Variants in EXOC6 observed in about 807,000 individuals in gnomAD.
EXOC6 encodes the protein exocyst complex component 6.
Under a neutral mutation model 112.5 loss-of-function variants are expected in EXOC6, and 60 were observed. That is an observed-to-expected ratio of 0.53 (90% CI 0.43 to 0.66). EXOC6 has a LOEUF of 0.66. Ranked by LOEUF, EXOC6 falls within the 30% of genes least tolerant of loss-of-function variation. The pLI, the probability that EXOC6 is intolerant of heterozygous loss-of-function variation, is 0.00. For missense variants in EXOC6, 855 were observed against 957.1 expected (o/e 0.89, Z 1.41); for synonymous variants, 295 against 308.0 (o/e 0.96, Z 0.44).
chr10:92,921,436 TG>T (rs1463952294), intron 8 of EXOC6, among the ~76,000 whole-genome samples: 1 of 151,544 alleles, frequency 6.6e-6, no homozygotes, highest in Non-Finnish European at 1.5e-5. Context: ...TTAGTAGAAA[TG>T]GGGTTTCACC....
At chr10:93,051,065 G>C (rs1354775164) in intron 20 of EXOC6, among the ~76,000 whole-genome samples, 1 of 151,124 alleles carries the variant, frequency 6.6e-6, no homozygotes, top group Non-Finnish European at 1.5e-5. Context: ...TTTAGCCATG[G>C]TAGTGACCAA....
At chr10:92,848,433 G>GCCCCCCC, upstream of EXOC6, 7 of 855,806 alleles carry the variant, frequency 8.2e-6, no homozygotes, top group East Asian at 1.1e-4. Flanking sequence ...CGGCCCGAGC[G>GCCCCCCC]CCCCGCCCCC....
chr10:92,991,502 G>A (rs924885194), intron 18 of EXOC6, among the ~76,000 whole-genome samples: 3 of 150,390 alleles, frequency 2.0e-5, no homozygotes, highest in Admixed American at 6.6e-5. Context: ...CATGGCAGAA[G>A]CAGTGATACT....
At chr10:92,919,904 C>A in intron 7 of EXOC6, 78 bp from the exon 8 acceptor site, 1 of 818,038 alleles carries the variant, frequency 1.2e-6, no homozygotes, top group Non-Finnish European at 1.9e-6. Flanking sequence ...ATCTTCTTGC[C>A]TATCTTTAAC....
At chr10:92,960,257 A>C (rs1246381906) in intron 17 of EXOC6, among the ~76,000 whole-genome samples, 1 of 152,232 alleles carries the variant, frequency 6.6e-6, no homozygotes, top group Non-Finnish European at 1.5e-5. Flanking sequence ...AGCCAGTCTG[A>C]AAAGTCTACA....
intron 1 of EXOC6, among the ~76,000 whole-genome samples, chr10:92,860,008 T>A (rs915322062): frequency 6.6e-6 from 1 of 152,136 alleles, no homozygotes; most frequent in Non-Finnish European, 1.5e-5. Context: ...CTAGAAAATA[T>A]CCAGCCACAT....
chr10:93,017,013 G>A (rs192169824), intron 20 of EXOC6, among the ~76,000 whole-genome samples: 3 of 151,510 alleles, frequency 2.0e-5, no homozygotes, highest in African/African-American at 7.3e-5. Context: ...GTGGGGTTTC[G>A]CCGGGTTGGC....
chr10:92,848,699 G>A, intron 1 of EXOC6, 65 bp downstream of exon 1: 5 of 1,196,770 alleles, frequency 4.2e-6, no homozygotes, highest in Non-Finnish European at 5.3e-6. Context: ...TCACGAGCCG[G>A]GCGGGGCGTC....
At chr10:93,052,728 G>A (rs1244700383) in intron 20 of EXOC6, among the ~76,000 whole-genome samples, 1 of 152,076 alleles carries the variant, frequency 6.6e-6, no homozygotes, top group East Asian at 1.9e-4. Context: ...CTTGACTATT[G>A]GAAGAAACCC....
chr10:92,948,182 T>C, intron 13 of EXOC6, 92 bp from the exon 14 acceptor site: 1 of 736,010 alleles, frequency 1.4e-6, no homozygotes, highest in Non-Finnish European at 2.2e-6. Context: ...AAAACTGCTT[T>C]TGTAATAGTT....
chr10:92,915,745 C>A lies in EXOC6; in HGVS notation c.664-13C>A, dbSNP rs368074997. 2.0e-6 allele frequency: 3 copies of A among 1,494,836 alleles called. No homozygotes were observed. The highest frequency in any genetic ancestry group is 2.8e-5 in the South Asian group (2 of 70,256). 92.6% of individuals were successfully genotyped at this position (1,494,836 alleles called of 1,614,324 possible). A position where few individuals can be genotyped will look rare whatever the true frequency, so the allele number is the denominator to read the frequency against. ...GTTTTGAAATAATCTGAATTTCTCTCTCTTCAAAATAGGCACAGCATCAGA... is the reference window on the plus strand; with the variant it reads ...GTTTTGAAATAATCTGAATTTCTCTATCTTCAAAATAGGCACAGCATCAGA... On this transcript the variant is annotated splice_polypyrimidine_tract_variant and intron_variant, in intron 6 of 21. Coordinates refer to ENST00000260762, the MANE Select transcript of EXOC6 (RefSeq NM_019053.6).
chr10:92,990,831 TC>T, intron 18 of EXOC6, among the ~76,000 whole-genome samples: 1 of 152,028 alleles, frequency 6.6e-6, no homozygotes, highest in Middle Eastern at 3.2e-3. Flanking sequence ...AGTCATTTTT[TC>T]CCCCATCATA....
At chr10:92,921,674 G>T (rs1449759786) in intron 8 of EXOC6, among the ~76,000 whole-genome samples, 2 of 148,502 alleles carry the variant, frequency 1.3e-5, no homozygotes, top group African/African-American at 2.5e-5. Context: ...TTGAGATAGG[G>T]TCTTGCTCTG....
At chr10:92,908,904 G>GT (rs778058247) in intron 5 of EXOC6, among the ~76,000 whole-genome samples, 1 of 151,890 alleles carries the variant, frequency 6.6e-6, no homozygotes, top group Non-Finnish European at 1.5e-5. Context: ...ATTTTTACCT[G>GT]TTTTTTGTGT....
At chr10:92,865,771 T>A (rs1254877647) in intron 1 of EXOC6, among the ~76,000 whole-genome samples, 1 of 152,138 alleles carries the variant, frequency 6.6e-6, no homozygotes. Context: ...GGCCTACTGT[T>A]GACTGGAAGC....
Position 92,934,037 on chromosome 10 carries a change from A to G in EXOC6, c.973-107A>G, listed in dbSNP as rs1852215160. The G allele has an allele frequency of 4.6e-6, 3 of 655,788 alleles. No homozygotes were observed. The Admixed American group carries it at 8.8e-5, about 19-fold the overall frequency. 40.6% of individuals were successfully genotyped at this position (655,788 alleles called of 1,614,324 possible). ...GTACCTAAAAATGTACGTGGCATAT[A>G]GTAGACTCTCAATAAATATTTGTTA... On this transcript the variant is annotated intron_variant, in intron 9 of 21. Coordinates refer to ENST00000260762, the MANE Select transcript of EXOC6 (RefSeq NM_019053.6).
chr10:92,949,543 T>C (rs1462702518), intron 14 of EXOC6, among the ~76,000 whole-genome samples: 11 of 151,792 alleles, frequency 7.2e-5, no homozygotes, highest in East Asian at 1.9e-4. Context: ...CTAGTGTCTA[T>C]ATAAAGAGCA....
chr10:92,873,907 G>A (rs943329933), intron 1 of EXOC6, among the ~76,000 whole-genome samples: 3 of 151,952 alleles, frequency 2.0e-5, no homozygotes, highest in African/African-American at 7.3e-5. Flanking sequence ...AAAAAAATTA[G>A]CCAGGTGTGT....
In EXOC6 at chr10:92,970,010, A is replaced by G. The variant is rs558166200; in HGVS notation, c.1774-4043A>G. ...CACCTGGTCGACTATTGTATTTTCT[A>G]TCCTTATCTAGATTTTCTGTCCTCA... On this transcript the variant is annotated intron_variant, in intron 17 of 21. Transcript: ENST00000260762. Among the ~76,000 whole-genome samples the G allele has an allele frequency of 3.9e-5, 6 of 152,174 alleles. No individual in the cohort carries two copies. The South Asian group carries it at 1.2e-3, about 32-fold the overall frequency.
Sources: gnomAD v4.1 joint callset for allele counts (sites outside exome capture counted in the v4.1 genomes callset) on GRCh38, gnomAD v4.1.1 for gene constraint, MANE v1.5 for transcripts, NCBI Gene and HGNC (gene_info 2026-07-23, HGNC 2026-07-21) for gene names.